FAM222B: variants seen among roughly 807,000 people sequenced by gnomAD.
The protein encoded by FAM222B is family with sequence similarity 222 member B, also known as protein FAM222B.
Under a neutral mutation model 38.0 loss-of-function variants are expected in FAM222B, and 12 were observed. The observed-to-expected ratio is 0.32, with a 90% confidence interval of 0.20 to 0.51. FAM222B has a LOEUF of 0.51. Ranked by LOEUF, FAM222B falls within the 20% of genes least tolerant of loss-of-function variation. The pLI is 0.97. For missense variants in FAM222B, 716 were observed against 754.2 expected (o/e 0.95, Z 0.59); for synonymous variants, 329 against 317.2 (o/e 1.04, Z -0.40).
At chr17:28,785,701 ATTT>A (rs913829381) in intron 1 of FAM222B, among the ~76,000 whole-genome samples, 3 of 138,468 alleles carry the variant, frequency 2.2e-5, no homozygotes, top group Non-Finnish European at 4.7e-5. Context: ...ATGCCCGGCT[ATTT>A]TTTTTTTTTT....
chr17:28,837,561 A>G (rs2038889264), intron 1 of FAM222B, among the ~76,000 whole-genome samples: 1 of 152,042 alleles, frequency 6.6e-6, no homozygotes, highest in African/African-American at 2.4e-5. Flanking sequence ...AGTCCTTTTC[A>G]CTATAAGTCA....
At position 28,849,745 on chromosome 17, in the gene FAM222B, C is replaced by A. The variant is rs750116734; in HGVS notation, c.-41+5205G>T. Among the ~76,000 whole-genome samples the A allele has an allele frequency of 1.1e-3, 164 of 152,242 alleles. 1 individual carries two copies. The highest frequency in any genetic ancestry group is 2.0e-3 in the Non-Finnish European group (135 of 67,998). Reference sequence around the variant, plus strand: ...TAACTTCAAGCTACCACTCTCTCCTCTTTCCCTATAAGGGAAGAGAAAACA... The same window carrying A: ...TAACTTCAAGCTACCACTCTCTCCTATTTCCCTATAAGGGAAGAGAAAACA... On this transcript the variant is annotated intron_variant, in intron 1 of 2. Transcript: ENST00000577513.
intron 1 of FAM222B, among the ~76,000 whole-genome samples, chr17:28,840,412 C>T (rs1474573371): frequency 6.6e-6 from 1 of 152,052 alleles, no homozygotes; most frequent in Non-Finnish European, 1.5e-5. Context: ...TCCATAAACA[C>T]ATAGTTTGTC....
chr17:28,773,777 G>A (rs7212367), intron 1 of FAM222B, among the ~76,000 whole-genome samples: 28,651 of 151,018 alleles, frequency 0.19, 2,843 homozygotes, highest in South Asian at 0.3. Context: ...CAGCCTGGGC[G>A]ACACAGCGAG....
intron 1 of FAM222B, among the ~76,000 whole-genome samples, chr17:28,853,317 T>C (rs751508296): frequency 6.6e-6 from 1 of 151,904 alleles, no homozygotes; most frequent in Non-Finnish European, 1.5e-5. Context: ...TGAGCCATGA[T>C]TGCACCACTG....
rs148715052 is a variant in FAM222B, at chr17:28,815,748, A to T, written c.-41+26934T>A. The stretch of plus-strand genomic sequence containing the variant: ...GGGTGGCTGAGACAGGCAGATCTCG[A>T]GGTCAGGAGATTGAGATCAGCCTGG... On this transcript the variant is annotated intron_variant, in intron 1 of 2. Transcript: ENST00000581407. Among the ~76,000 whole-genome samples, 5 of 152,244 alleles carry T rather than the reference A, an allele frequency of 3.3e-5. No individual in the cohort carries two copies. The East Asian group carries it at 9.7e-4, about 29-fold the overall frequency.
At chr17:28,792,009 T>TA (rs1408392000) in intron 1 of FAM222B, among the ~76,000 whole-genome samples, 2 of 149,830 alleles carry the variant, frequency 1.3e-5, no homozygotes, top group African/African-American at 2.5e-5. Flanking sequence ...AGACCATGTC[T>TA]AAAAAAATTA....
At chr17:28,820,279 C>A (rs976962915) in intron 1 of FAM222B, among the ~76,000 whole-genome samples, 1 of 152,148 alleles carries the variant, frequency 6.6e-6, no homozygotes, top group Non-Finnish European at 1.5e-5. Context: ...TCAACAGATT[C>A]AAATTTCAAT....
intron 1 of FAM222B, among the ~76,000 whole-genome samples, chr17:28,803,993 A>G (rs1005830083): frequency 6.6e-6 from 1 of 151,950 alleles, no homozygotes; most frequent in African/African-American, 2.4e-5. Context: ...AAAAAAAACC[A>G]AAAAGCAAAA....
intron 1 of FAM222B, among the ~76,000 whole-genome samples, chr17:28,790,107 C>T (rs890785144): frequency 2.6e-5 from 4 of 151,752 alleles, no homozygotes. Context: ...GATTTACTGG[C>T]CAAATCGGGA....
At position 28,759,234 on chromosome 17, in the gene FAM222B, A is replaced by T. The variant is rs2034919680; in HGVS notation, c.725T>A (p.Val242Glu). ...GGGGATAGTTGAGGTAGACACGGTCACATTCGGGGGGGCATCTGAGTCTGG... is the reference window on the plus strand; with the variant it reads ...GGGGATAGTTGAGGTAGACACGGTCTCATTCGGGGGGGCATCTGAGTCTGG... The part of the protein sequence containing the change: ...KMPDSDAPPN[V>E]TVSTSTIPLS... Residue 242 changes from valine (V) to glutamate (E), a missense_variant, in exon 3 of 3, where the codon GTG becomes GAG. Physicochemically the swap from Val to Glu is moderately radical, Grantham distance 121. Coordinates refer to ENST00000581407, the MANE Select transcript of FAM222B (RefSeq NM_001077498.3). This position sits in a 1 kb window ranked among gnomAD's most constrained non-coding sequence, Gnocchi z 4.8. The T allele has an allele frequency of 1.9e-6, 3 of 1,613,534 alleles. No homozygotes were observed. Among genetic ancestry groups the T allele is most frequent in the African/African-American group, 1.3e-5 (1 of 74,902 alleles).
chr17:28,813,681 G>A (rs1173813123), intron 1 of FAM222B, among the ~76,000 whole-genome samples: 1 of 151,480 alleles, frequency 6.6e-6, no homozygotes, highest in Non-Finnish European at 1.5e-5. Context: ...GACTACAGGT[G>A]GCCGCCATCA....
At chr17:28,851,648 C>T (rs1165168981) in intron 1 of FAM222B, among the ~76,000 whole-genome samples, 1 of 151,796 alleles carries the variant, frequency 6.6e-6, no homozygotes, top group Non-Finnish European at 1.5e-5. Flanking sequence ...GACGCCAAGG[C>T]GGGCAGATCA....
chr17:28,807,010 C>A (rs917757570), intron 1 of FAM222B, among the ~76,000 whole-genome samples: 2 of 151,616 alleles, frequency 1.3e-5, no homozygotes, highest in African/African-American at 4.8e-5. Flanking sequence ...GACTATTTAT[C>A]TTTTTTTATC....
intron 1 of FAM222B, among the ~76,000 whole-genome samples, chr17:28,818,799 TG>T (rs2038118471): frequency 6.6e-6 from 1 of 152,068 alleles, no homozygotes; most frequent in Non-Finnish European, 1.5e-5. Context: ...GGGTAGCACA[TG>T]GTAGAAAAAG....
intron 1 of FAM222B, among the ~76,000 whole-genome samples, chr17:28,816,659 C>T (rs898404044): frequency 6.6e-6 from 1 of 151,988 alleles, no homozygotes; most frequent in Non-Finnish European, 1.5e-5. Flanking sequence ...ACAATGATTG[C>T]ACCCGAAAAG....
chr17:28,818,622 G>C (rs2151941130), intron 1 of FAM222B, among the ~76,000 whole-genome samples: 1 of 151,712 alleles, frequency 6.6e-6, no homozygotes, highest in East Asian at 1.9e-4. Context: ...CAGAATTAAA[G>C]CTCAAAGTCA....
At chr17:28,799,360 C>T (rs1194868363) in intron 1 of FAM222B, among the ~76,000 whole-genome samples, 3 of 144,548 alleles carry the variant, frequency 2.1e-5, no homozygotes, top group Non-Finnish European at 3.0e-5. Flanking sequence ...TGCAGTGGTG[C>T]GATCTCAACT....
intron 1 of FAM222B, among the ~76,000 whole-genome samples, chr17:28,804,963 G>A (rs917949960): frequency 2.0e-5 from 3 of 151,708 alleles, no homozygotes; most frequent in Non-Finnish European, 2.9e-5. Flanking sequence ...GGGGAATGGC[G>A]TGAACCCCAT....
Sources: gnomAD v4.1 joint callset for allele counts (sites outside exome capture counted in the v4.1 genomes callset) on GRCh38, gnomAD v4.1.1 for gene constraint, Gnocchi (gnomAD v3.1) non-coding constraint, MANE v1.5 for transcripts, NCBI Gene and HGNC (gene_info 2026-07-23, HGNC 2026-07-21) for gene names.